The following RAB6A variants were observed in gnomAD, a reference collection of about 807,000 sequenced individuals.
RAB6A encodes the protein ras-related protein Rab-6A.
Under a neutral mutation model 32.3 loss-of-function variants are expected in RAB6A, and 8 were observed. The ratio of observed to expected loss-of-function variants is 0.25; its 90% confidence interval spans 0.15 to 0.45. The LOEUF (loss-of-function observed/expected upper bound fraction) is 0.45, where lower values mean the gene tolerates loss of function less well. Among genes scored for constraint, RAB6A ranks in the 20% least tolerant of loss-of-function variants. RAB6A has a pLI of 1.00. For missense variants in RAB6A, 104 were observed against 249.4 expected (o/e 0.42, Z 3.93); for synonymous variants, 73 against 82.1 (o/e 0.89, Z 0.60).
intron 1 of RAB6A, among the ~76,000 whole-genome samples, chr11:73,748,985 C>T (rs113450689): frequency 0.037 from 5,558 of 152,026 alleles, 150 homozygotes; most frequent in Non-Finnish European, 0.056. Flanking sequence ...ATTAACCAGG[C>T]GTGGCAGCAT....
chr11:73,707,524 A>G lies in RAB6A; in HGVS notation c.402-11T>C. Reference sequence around the variant, plus strand: ...TCAATTGACACTTGCCTGTAAAGAAACAAACAAACTTCTTACTTTTGAGAC... The same window carrying G: ...TCAATTGACACTTGCCTGTAAAGAAGCAAACAAACTTCTTACTTTTGAGAC... On this transcript the variant is annotated splice_polypyrimidine_tract_variant and intron_variant, in intron 5 of 7. Coordinates refer to ENST00000336083, the MANE Select transcript of RAB6A (RefSeq NM_198896.2). 1 of 1,573,474 alleles carries G rather than the reference A, an allele frequency of 6.4e-7. No individual in the cohort carries two copies. The highest frequency in any genetic ancestry group is 1.1e-5 in the South Asian group (1 of 89,964).
intron 1 of RAB6A, among the ~76,000 whole-genome samples, chr11:73,744,000 CA>C (rs1370381506): frequency 6.6e-6 from 1 of 152,082 alleles, no homozygotes; most frequent in Non-Finnish European, 1.5e-5. Flanking sequence ...CACTTGAGCC[CA>C]AAAGTTCAAC....
intron 6 of RAB6A, 58 bp from the exon 7 acceptor site, chr11:73,679,778 G>T: frequency 6.2e-7 from 1 of 1,601,292 alleles, no homozygotes; most frequent in South Asian, 1.1e-5. Context: ...AGGGTACTGA[G>T]GTTTATGATC....
chr11:73,693,291 A>AAAT (rs1565349413), intron 6 of RAB6A, among the ~76,000 whole-genome samples: 224 of 151,032 alleles, frequency 1.5e-3, no homozygotes, highest in African/African-American at 5.0e-3. Flanking sequence ...CCGTCTCCAA[A>AAAT]AAATAAATAA....
chr11:73,704,639 C>T lies in RAB6A; in HGVS notation c.495+2781G>A, dbSNP rs538325835. On this transcript the variant is annotated intron_variant, in intron 6 of 7. Coordinates refer to ENST00000336083, the MANE Select transcript of RAB6A (RefSeq NM_198896.2). The stretch of plus-strand genomic sequence containing the variant: ...GGCAGAGGTTGCAGTGAGCTGAGAT[C>T]GTGCCACTGCACTCCAGCCTGGCGA... Among the ~76,000 whole-genome samples the T allele has an allele frequency of 4.6e-5, 7 of 151,490 alleles. No individual in the cohort carries two copies. In the East Asian group the frequency reaches 9.7e-4, roughly 21 times the overall value.
chr11:73,707,362 A>G, intron 6 of RAB6A, 58 bp downstream of exon 6: 1 of 1,269,244 alleles, frequency 7.9e-7, no homozygotes, highest in Non-Finnish European at 1.1e-6. Context: ...ACCAGAGAAT[A>G]GAATACTCAC....
chr11:73,708,871 T>G (rs1945893305), intron 5 of RAB6A, among the ~76,000 whole-genome samples: 1 of 152,226 alleles, frequency 6.6e-6, no homozygotes, highest in Admixed American at 6.5e-5. Context: ...AACTTACATC[T>G]ATGTATTAGA....
chr11:73,678,049 C>T (rs1590815261), intron 7 of RAB6A, 87 bp from the exon 8 acceptor site: 1 of 1,353,844 alleles, frequency 7.4e-7, no homozygotes, highest in Middle Eastern at 1.9e-4. Context: ...CCCTTATATT[C>T]CTATCTGTCT....
chr11:73,755,925 AGAG>A (rs963347002), intron 1 of RAB6A, among the ~76,000 whole-genome samples: 6 of 151,982 alleles, frequency 3.9e-5, no homozygotes, highest in African/African-American at 7.2e-5. Context: ...AGGAGAAAGA[AGAG>A]GAGGAGGAGG....
intron 1 of RAB6A, among the ~76,000 whole-genome samples, chr11:73,752,991 G>A (rs911825029): frequency 1.4e-4 from 21 of 152,214 alleles, no homozygotes; most frequent in Non-Finnish European, 4.4e-5. Flanking sequence ...GGTGGTGCAT[G>A]CCTGTAATTC....
chr11:73,733,027 G>A (rs1389204255), intron 1 of RAB6A, among the ~76,000 whole-genome samples: 1 of 151,938 alleles, frequency 6.6e-6, no homozygotes, highest in Non-Finnish European at 1.5e-5. Flanking sequence ...TCGCCTGGCT[G>A]GTCTCAAACT....
Position 73,739,278 on chromosome 11 carries a change from AAAAAAAATATATAT to A in RAB6A, c.71-8469_71-8456del, listed in dbSNP as rs1252155955. ...TAATAATAATTAAAAAAAAAAAAAA[AAAAAAAATATATAT>A]ATATATATATATAAATACTGGAACA... On this transcript the variant is annotated intron_variant, in intron 1 of 7. Coordinates refer to ENST00000336083, the MANE Select transcript of RAB6A (RefSeq NM_198896.2). Among the ~76,000 whole-genome samples, 8 of 18,840 alleles carry A rather than the reference AAAAAAAATATATAT, an allele frequency of 4.2e-4. 1 individual carries two copies. The highest frequency in any genetic ancestry group is 4.0e-3 in the South Asian group (1 of 252). 12.4% of individuals were successfully genotyped at this position (18,840 alleles called of 152,430 possible).
intron 6 of RAB6A, among the ~76,000 whole-genome samples, chr11:73,700,168 T>C (rs1041790477): frequency 1.3e-5 from 2 of 152,210 alleles, no homozygotes; most frequent in Admixed American, 6.6e-5. Context: ...CACACACTTA[T>C]TGCTTCACTA....
In RAB6A at chr11:73,684,167, TG is replaced by T. The variant is rs1444147118; in HGVS notation, c.496-4448del. On this transcript the variant is annotated intron_variant, in intron 6 of 7. Transcript: ENST00000336083. The stretch of plus-strand genomic sequence containing the variant: ...TTTTTAATTAAGATACATACATTGT[TG>T]TTTTTTTTTTTTTTCTGAGACAGAG... 5.5e-3 allele frequency among the ~76,000 whole-genome samples: 427 copies of T among 77,528 alleles called. 4 individuals are homozygous for T. Among genetic ancestry groups the T allele is most frequent in the African/African-American group, 0.017 (366 of 21,840 alleles). 50.9% of individuals were successfully genotyped at this position (77,528 alleles called of 152,430 possible). A position where few individuals can be genotyped will look rare whatever the true frequency, so the allele number is the denominator to read the frequency against.
intron 1 of RAB6A, among the ~76,000 whole-genome samples, chr11:73,732,659 C>T (rs1277979563): frequency 2.0e-5 from 3 of 152,104 alleles, no homozygotes; most frequent in East Asian, 3.9e-4. Flanking sequence ...ACTTGGGAGG[C>T]TCAGGCAACA....
chr11:73,707,894 A>C (rs978327850), intron 5 of RAB6A, among the ~76,000 whole-genome samples: 1 of 152,110 alleles, frequency 6.6e-6, no homozygotes, highest in Non-Finnish European at 1.5e-5. Flanking sequence ...AAAAAAGAAA[A>C]AGCTAAAAAC....
At chr11:73,736,809 G>GAAAAAAAAAAAAAAAAAAAAAAAA (rs756237159) in intron 1 of RAB6A, among the ~76,000 whole-genome samples, 1 of 108,768 alleles carries the variant, frequency 9.2e-6, no homozygotes, top group Non-Finnish European at 1.7e-5. Context: ...AAAAAAAAAA[G>GAAAAAAAAAAAAAAAAAAAAAAAA]AAAAAAAAAA....
At chr11:73,714,477 T>C (rs537485240) in intron 5 of RAB6A, among the ~76,000 whole-genome samples, 26 of 150,934 alleles carry the variant, frequency 1.7e-4, no homozygotes, top group African/African-American at 5.9e-4. Flanking sequence ...CTGGCCAACA[T>C]AGTGAAACCT....
chr11:73,747,984 T>A (rs539641186), intron 1 of RAB6A, among the ~76,000 whole-genome samples: 41 of 152,314 alleles, frequency 2.7e-4, no homozygotes, highest in Non-Finnish European at 4.9e-4. Flanking sequence ...CACCCTGAAG[T>A]TAATGTTTTT....
Sources: allele counts gnomAD v4.1 joint callset (sites outside exome capture counted in the v4.1 genomes callset), GRCh38; gene constraint gnomAD v4.1.1; transcripts MANE v1.5; gene names NCBI Gene and HGNC (gene_info 2026-07-23, HGNC 2026-07-21).